TRPC4: variants seen among roughly 807,000 people sequenced by gnomAD.
TRPC4 encodes the protein transient receptor potential cation channel subfamily C member 4, also known as short transient receptor potential channel 4.
Under a neutral mutation model 99.4 loss-of-function variants are expected in TRPC4, and 49 were observed. That is an observed-to-expected ratio of 0.49 (90% CI 0.39 to 0.63). TRPC4 has a LOEUF of 0.63. TRPC4 is among the 20% of genes least tolerant of loss of function. The probability of loss-of-function intolerance (pLI) is 0.00; values close to 1 mark genes in which losing one functional copy is unlikely to be tolerated. For synonymous variants in TRPC4, 454 were observed against 425.9 expected (o/e 1.07, Z -0.81); for missense variants, 898 against 1,152.9 (o/e 0.78, Z 3.20).
At chr13:37,722,706 C>T (rs528582879) in intron 3 of TRPC4, among the ~76,000 whole-genome samples, 17 of 151,822 alleles carry the variant, frequency 1.1e-4, no homozygotes, top group East Asian at 3.9e-4. Flanking sequence ...TACACATAAG[C>T]GATAAATACA....
intron 4 of TRPC4, among the ~76,000 whole-genome samples, chr13:37,684,496 C>G (rs1953387589): frequency 6.6e-6 from 1 of 152,056 alleles, no homozygotes; most frequent in Non-Finnish European, 1.5e-5. Flanking sequence ...GACATTTTAT[C>G]AGTGTAGGAG....
At chr13:37,855,390 C>T (rs1959165020) in intron 1 of TRPC4, among the ~76,000 whole-genome samples, 5 of 146,334 alleles carry the variant, frequency 3.4e-5, no homozygotes, top group Admixed American at 1.4e-4. Flanking sequence ...GATAGAAAAA[C>T]ATATGTTATT....
chr13:37,820,854 C>T (rs1206841814), intron 1 of TRPC4, among the ~76,000 whole-genome samples: 2 of 152,056 alleles, frequency 1.3e-5, no homozygotes, highest in Non-Finnish European at 2.9e-5. Context: ...AAGCTAGAAG[C>T]ATTCCCCTTA....
intron 8 of TRPC4, among the ~76,000 whole-genome samples, chr13:37,649,731 C>CAAAAAAAAAAAAAAAAAAA (rs775364702): frequency 3.2e-5 from 2 of 62,706 alleles, no homozygotes; most frequent in East Asian, 1.3e-3. Context: ...GACTCCGTCT[C>CAAAAAAAAAAAAAAAAAAA]AAAAAAAAAA....
chr13:37,694,532 CATAT>C (rs1304396604), intron 3 of TRPC4, among the ~76,000 whole-genome samples: 2 of 152,084 alleles, frequency 1.3e-5, no homozygotes, highest in Non-Finnish European at 2.9e-5. Context: ...TGGATACACA[CATAT>C]ATACTCTGTA....
intron 6 of TRPC4, among the ~76,000 whole-genome samples, chr13:37,657,750 C>T (rs2138656048): frequency 6.6e-6 from 1 of 152,080 alleles, no homozygotes; most frequent in South Asian, 2.1e-4. Flanking sequence ...ATAGTAACTA[C>T]TAATTTTAGG....
intron 8 of TRPC4, among the ~76,000 whole-genome samples, chr13:37,643,244 G>A (rs1461761408): frequency 6.6e-6 from 1 of 152,098 alleles, no homozygotes; most frequent in Non-Finnish European, 1.5e-5. Flanking sequence ...CTAATTTAAG[G>A]TATATTTATT....
chr13:37,675,610 A>G (rs1465576396), intron 4 of TRPC4, among the ~76,000 whole-genome samples: 1 of 152,160 alleles, frequency 6.6e-6, no homozygotes, highest in Non-Finnish European at 1.5e-5. Context: ...TCACCTAAGG[A>G]GCAAAACACT....
At chr13:37,823,968 T>A (rs1432522133) in intron 1 of TRPC4, among the ~76,000 whole-genome samples, 3 of 143,448 alleles carry the variant, frequency 2.1e-5, no homozygotes, top group Admixed American at 1.4e-4. Context: ...TTTGTAGTTC[T>A]CCTTGAAGAG....
chr13:37,840,657 A>G (rs1196906894), intron 1 of TRPC4, among the ~76,000 whole-genome samples: 1 of 152,026 alleles, frequency 6.6e-6, no homozygotes, highest in African/African-American at 2.4e-5. Flanking sequence ...ATTTAAAAAG[A>G]TTAATAAATT....
At chr13:37,713,682 G>C (rs1954562483) in intron 3 of TRPC4, among the ~76,000 whole-genome samples, 1 of 152,124 alleles carries the variant, frequency 6.6e-6, no homozygotes, top group Admixed American at 6.5e-5. Context: ...ATACATAATG[G>C]AAAAGAAAAG....
intron 1 of TRPC4, among the ~76,000 whole-genome samples, chr13:37,851,407 C>T (rs1188554223): frequency 6.6e-6 from 1 of 152,262 alleles, no homozygotes; most frequent in East Asian, 1.9e-4. Flanking sequence ...TTGGAGTTAT[C>T]AGCCTCAGAC....
At chr13:37,766,420 G>A (rs911578187) in intron 2 of TRPC4, among the ~76,000 whole-genome samples, 4 of 151,250 alleles carry the variant, frequency 2.6e-5, no homozygotes, top group African/African-American at 4.8e-5. Context: ...ATGCTAAACC[G>A]GGAAAATTGG....
At chr13:37,708,041 G>A (rs541530494) in intron 3 of TRPC4, among the ~76,000 whole-genome samples, 3 of 152,010 alleles carry the variant, frequency 2.0e-5, no homozygotes, top group African/African-American at 4.8e-5. Context: ...CAGCTTCAAC[G>A]CCAGCACTCT....
intron 2 of TRPC4, among the ~76,000 whole-genome samples, chr13:37,750,319 T>C (rs1183363142): frequency 1.3e-5 from 2 of 152,150 alleles, no homozygotes; most frequent in Non-Finnish European, 2.9e-5. Context: ...AACGTACATG[T>C]ATGTTGATTT....
At chr13:37,697,346 A>G (rs1025183645) in intron 3 of TRPC4, among the ~76,000 whole-genome samples, 8 of 152,196 alleles carry the variant, frequency 5.3e-5, no homozygotes, top group Non-Finnish European at 1.2e-4. Context: ...GGTATATAAG[A>G]GTATGTCCGA....
At chr13:37,713,551 T>C (rs1954557615) in intron 3 of TRPC4, among the ~76,000 whole-genome samples, 1 of 152,186 alleles carries the variant, frequency 6.6e-6, no homozygotes, top group Non-Finnish European at 1.5e-5. Context: ...GATAGCTGTT[T>C]CCACTGTCTG....
At chr13:37,704,172 G>A (rs1954192690) in intron 3 of TRPC4, among the ~76,000 whole-genome samples, 1 of 152,154 alleles carries the variant, frequency 6.6e-6, no homozygotes, top group African/African-American at 2.4e-5. Flanking sequence ...AACTAATCTA[G>A]TGACAGGCAG....
At chr13:37,642,310 A>G (rs1566061787) in intron 8 of TRPC4, among the ~76,000 whole-genome samples, 1 of 152,096 alleles carries the variant, frequency 6.6e-6, no homozygotes, top group African/African-American at 2.4e-5. Context: ...TGATATAGAA[A>G]CTCTGAGGAA....
Sources: allele counts gnomAD v4.1 joint callset (sites outside exome capture counted in the v4.1 genomes callset), GRCh38; gene constraint gnomAD v4.1.1; transcripts MANE v1.5; gene names NCBI Gene and HGNC (gene_info 2026-07-23, HGNC 2026-07-21).